Variants in AKAP17A observed in about 807,000 individuals in gnomAD.
AKAP17A encodes A-kinase anchor protein 17A.
AKAP17A carries 15 observed loss-of-function variants against 52.2 expected under a neutral mutation model. The observed-to-expected ratio is 0.29, with a 90% CI of 0.19 to 0.44. AKAP17A has a LOEUF of 0.44. Ranked by LOEUF, AKAP17A falls within the 20% of genes least tolerant of loss-of-function variation. AKAP17A has a pLI of 1.00. For synonymous variants in AKAP17A, 514 were observed against 424.7 expected (o/e 1.21, Z -2.58); for missense variants, 1,060 against 1,007.0 (o/e 1.05, Z -0.71).
rs758299135 is a variant in AKAP17A at position 1,593,982 on chromosome X, C to T, written c.520C>T (p.Leu174=). Residue 174 remains leucine (L), a synonymous_variant, in exon 2 of 5, where the codon CTG becomes TTG. Coordinates refer to ENST00000313871, the MANE Select transcript of AKAP17A (RefSeq NM_005088.3). Reference sequence around the variant, plus strand: ...CTCCGAGAAGCCCAGCGAGGACGTCCTGGTCAAGGTGTTTGAGAAGTTCGG... The same window carrying T: ...CTCCGAGAAGCCCAGCGAGGACGTCTTGGTCAAGGTGTTTGAGAAGTTCGG... ...SGSEKPSEDV[L]VKVFEKFGEI... The T allele has an allele frequency of 6.2e-7, 1 of 1,601,750 alleles. No individual in the cohort carries two copies. Among genetic ancestry groups the T allele is most frequent in the Non-Finnish European group, 8.5e-7 (1 of 1,172,614 alleles).
intron 3 of AKAP17A, among the ~76,000 whole-genome samples, chrX:1,598,553 C>T (rs190263680): frequency 2.0e-5 from 3 of 152,070 alleles, no homozygotes; most frequent in South Asian, 2.1e-4. Flanking sequence ...AGCTGCGGGG[C>T]GGGGGAGGCT....
At chrX:1,595,160 G>A (rs1485703722) in intron 2 of AKAP17A, among the ~76,000 whole-genome samples, 1 of 152,260 alleles carries the variant, frequency 6.6e-6, no homozygotes, top group African/African-American at 2.4e-5. Context: ...GTAACTCCGT[G>A]GGATGAGCTA....
chrX:1,600,638 G>A (rs1933308784), intron 4 of AKAP17A, 21 bp from the exon 5 acceptor site: 2 of 1,518,502 alleles, frequency 1.3e-6, no homozygotes, highest in East Asian at 4.9e-5. Flanking sequence ...GGGCTCAGCT[G>A]CACTTTCCTC....
chrX:1,599,448 C>T lies in AKAP17A; in HGVS notation c.1152+16C>T, dbSNP rs1225778403. The T allele has an allele frequency of 3.9e-6, 6 of 1,555,470 alleles. No homozygotes were observed. Among genetic ancestry groups the T allele is most frequent in the Non-Finnish European group, 5.2e-6 (6 of 1,150,552 alleles). On this transcript the variant is annotated intron_variant, in intron 4 of 4. Transcript: ENST00000313871. ...CAGAGCCAAGGTACCCGGGGGCTCC[C>T]TCTGCAGCCGCCAGCCGCGCCCGGG...
chrX:1,597,432 G>A (rs1472998673), intron 3 of AKAP17A, among the ~76,000 whole-genome samples: 17 of 152,170 alleles, frequency 1.1e-4, no homozygotes, highest in South Asian at 4.1e-4. Flanking sequence ...ATGCTGCTGC[G>A]TCGCCATCCT....
In AKAP17A at chrX:1,601,775, C is replaced by A; in HGVS notation, c.*181C>A. ...CCATGCTTTAGAGATCCATCTTTCT[C>A]CACTCACCGCAGCGTACTTGGCACT... On this transcript the variant is annotated 3_prime_UTR_variant, in exon 5 of 5. Transcript: ENST00000313871. 2.0e-6 allele frequency: 1 copy of A among 506,074 alleles called. No individual in the cohort carries two copies. The highest frequency in any genetic ancestry group is 3.2e-6 in the Non-Finnish European group (1 of 308,268). 31.3% of individuals were successfully genotyped at this position (506,074 alleles called of 1,614,324 possible).
rs1933413588 is a variant in AKAP17A at position 1,601,984 on chromosome X, CG to C, written c.*393del. Reference sequence around the variant, plus strand: ...CTGCGTGCACGGCCTAGGAGGTGCACGGGCCACCATAGTCACACTGGCACTG... The same window carrying C: ...CTGCGTGCACGGCCTAGGAGGTGCACGGCCACCATAGTCACACTGGCACTG... On this transcript the variant is annotated 3_prime_UTR_variant, in exon 5 of 5. Coordinates refer to ENST00000313871, the MANE Select transcript of AKAP17A (RefSeq NM_005088.3). 4.8e-6 allele frequency: 1 copy of C among 208,362 alleles called. No homozygotes were observed. Among genetic ancestry groups the C allele is most frequent in the South Asian group, 1.9e-4 (1 of 5,384 alleles). The allele number at this position is 208,362 out of a possible 1,614,324, so 12.9% of individuals were successfully genotyped here. A position where few individuals can be genotyped will look rare whatever the true frequency, so the allele number is the denominator to read the frequency against.
Position 1,601,617 on chromosome X carries a change from G to A in AKAP17A, c.*23G>A. On this transcript the variant is annotated 3_prime_UTR_variant, in exon 5 of 5. Coordinates refer to ENST00000313871, the MANE Select transcript of AKAP17A (RefSeq NM_005088.3). ...TAATGACGGGCACGGCCTCCCCACG[G>A]CCTGTCCGGGAAAGACCAGGACCTG... The A allele has an allele frequency of 7.1e-7, 1 of 1,407,582 alleles. No individual in the cohort carries two copies. The highest frequency in any genetic ancestry group is 1.5e-5 in the African/African-American group (1 of 67,064). The allele number at this position is 1,407,582 out of a possible 1,614,324, so 87.2% of individuals were successfully genotyped here. A position where few individuals can be genotyped will look rare whatever the true frequency, so the allele number is the denominator to read the frequency against.
chrX:1,595,377 T>C lies in AKAP17A; in HGVS notation c.763-7T>C. 1 of 1,613,654 alleles carries C rather than the reference T, an allele frequency of 6.2e-7. No individual in the cohort carries two copies. Among genetic ancestry groups the C allele is most frequent in the Non-Finnish European group, 8.5e-7 (1 of 1,179,848 alleles). On this transcript the variant is annotated splice_polypyrimidine_tract_variant and splice_region_variant and intron_variant, in intron 2 of 4. Transcript: ENST00000313871. Reference sequence around the variant, plus strand: ...AAGGCCATCTGACACTGTTTTTGCTTTTAAAGGTTTCTTTTGATTCGACCA... The same window carrying C: ...AAGGCCATCTGACACTGTTTTTGCTCTTAAAGGTTTCTTTTGATTCGACCA...
Position 1,601,421 on chromosome X carries a change from A to T in AKAP17A, c.1915A>T (p.Thr639Ser). The T allele has an allele frequency of 6.4e-7, 1 of 1,567,066 alleles. No individual in the cohort carries two copies. Among genetic ancestry groups the T allele is most frequent in the Non-Finnish European group, 8.6e-7 (1 of 1,164,322 alleles). The change falls in exon 5 of 5, where the codon ACG becomes TCG. Residue 639 changes from threonine to serine, a missense_variant. Physicochemically the swap from Thr to Ser is moderately conservative, Grantham distance 58. Transcript: ENST00000313871. ...YKDDSPRRRS[T>S]SPDHTRSRRS... ...GGATGACAGCCCCCGCCGGCGCAGCACGAGCCCGGACCACACCCGGTCCCG... is the reference window on the plus strand; with the variant it reads ...GGATGACAGCCCCCGCCGGCGCAGCTCGAGCCCGGACCACACCCGGTCCCG...
chrX:1,597,339 T>TG (rs1170234073), intron 3 of AKAP17A, among the ~76,000 whole-genome samples: 1 of 151,978 alleles, frequency 6.6e-6, no homozygotes, highest in South Asian at 2.1e-4. Context: ...GTGAATGTGC[T>TG]GGGGGGGCCC....
At chrX:1,600,519 A>G in intron 4 of AKAP17A, 140 bp from the exon 5 acceptor site, 5 of 886,128 alleles carry the variant, frequency 5.6e-6, no homozygotes, top group Non-Finnish European at 8.4e-6. Context: ...GACGCCCCCC[A>G]CCCCTGGGCT....
rs1479157407 is a variant in AKAP17A, at chrX:1,597,517, C to T, written c.912-1675C>T. On this transcript the variant is annotated intron_variant, in intron 3 of 4. Coordinates refer to ENST00000313871, the MANE Select transcript of AKAP17A (RefSeq NM_005088.3). ...TCCCCTGTGTCAGCCACTGTCAGGC[C>T]GAGCAGGACAGCTGGGGTGGGAGAC... Among the ~76,000 whole-genome samples, 207 of 152,106 alleles carry T rather than the reference C, an allele frequency of 1.4e-3. 1 individual carries two copies. The highest frequency in any genetic ancestry group is 9.7e-4 in the Non-Finnish European group (66 of 67,966).
At chrX:1,597,887 G>A (rs185552063) in intron 3 of AKAP17A, among the ~76,000 whole-genome samples, 2 of 152,240 alleles carry the variant, frequency 1.3e-5, no homozygotes, top group Non-Finnish European at 2.9e-5. Flanking sequence ...CCGGGGAGGG[G>A]CAGGCCTGTT....
At chrX:1,600,026 CAG>C (rs1933269450) in intron 4 of AKAP17A, 2 of 609,220 alleles carry the variant, frequency 3.3e-6, no homozygotes, top group Non-Finnish European at 5.5e-6. Flanking sequence ...GGCCCACAGA[CAG>C]ACAGACCTCC....
chrX:1,599,142 T>C (rs772155412), intron 3 of AKAP17A, 50 bp from the exon 4 acceptor site: 1 of 1,595,628 alleles, frequency 6.3e-7, no homozygotes, highest in Non-Finnish European at 8.5e-7. Context: ...TGGTGTGTGG[T>C]GTGTTGGCTG....
chrX:1,595,279 T>A, intron 2 of AKAP17A, 105 bp from the exon 3 acceptor site: 1 of 1,507,838 alleles, frequency 6.6e-7, no homozygotes, highest in Non-Finnish European at 9.0e-7. Flanking sequence ...GAGCGGGCGC[T>A]CAGGCTCTGA....
At chrX:1,595,307 G>T in intron 2 of AKAP17A, 77 bp from the exon 3 acceptor site, 1 of 1,597,412 alleles carries the variant, frequency 6.3e-7, no homozygotes, top group Non-Finnish European at 8.5e-7. Flanking sequence ...CGGCCCTACG[G>T]CCCAGGAGAG....
At chrX:1,592,257 T>A (rs1418662293) in intron 1 of AKAP17A, among the ~76,000 whole-genome samples, 1 of 151,082 alleles carries the variant, frequency 6.6e-6, no homozygotes, top group Non-Finnish European at 1.5e-5. Flanking sequence ...AGCGGGGAAC[T>A]GAGGAGCTGA....
Sources: gnomAD v4.1 joint callset for allele counts (sites outside exome capture counted in the v4.1 genomes callset) on GRCh38, gnomAD v4.1.1 for gene constraint, MANE v1.5 for transcripts, NCBI Gene and HGNC (gene_info 2026-07-23, HGNC 2026-07-21) for gene names.